FANCC: variants seen among roughly 807,000 people sequenced by gnomAD.
FANCC encodes the protein FA complementation group C.
FANCC carries 55 observed loss-of-function variants against 71.3 expected under a neutral mutation model. That is an observed-to-expected ratio of 0.77 (90% CI 0.62 to 0.97). The LOEUF is 0.97. Ranked by LOEUF, FANCC falls within the 50% of genes least tolerant of loss-of-function variation. The pLI, the probability that FANCC is intolerant of heterozygous loss-of-function variation, is 0.00. For synonymous variants in FANCC, 275 were observed against 244.9 expected (o/e 1.12, Z -1.15); for missense variants, 678 against 670.9 (o/e 1.01, Z -0.12).
At chr9:95,233,319 G>C (rs2136005937) in intron 4 of FANCC, among the ~76,000 whole-genome samples, 1 of 152,238 alleles carries the variant, frequency 6.6e-6, no homozygotes, top group Non-Finnish European at 1.5e-5. Flanking sequence ...AGTAGATGGA[G>C]CTGTGGAAGA....
At chr9:95,273,675 C>T (rs1248626216) in intron 1 of FANCC, among the ~76,000 whole-genome samples, 3 of 152,158 alleles carry the variant, frequency 2.0e-5, no homozygotes, top group East Asian at 1.9e-4. Context: ...CAATTCTATA[C>T]GAAATTTCAG....
At chr9:95,311,709 C>CTGTGTGTGTG (rs56187288) in intron 1 of FANCC, among the ~76,000 whole-genome samples, 5,342 of 144,538 alleles carry the variant, frequency 0.037, 124 homozygotes, top group Middle Eastern at 0.071. Flanking sequence ...TCCTCTGAAT[C>CTGTGTGTGTG]TGTGTGTGTG....
chr9:95,234,796 C>A (rs1830203793), intron 4 of FANCC, among the ~76,000 whole-genome samples: 2 of 152,168 alleles, frequency 1.3e-5, no homozygotes. Flanking sequence ...TAGTTTCAGT[C>A]AGAAGGCCAG....
At chr9:95,208,998 T>C (rs1355180648) in intron 4 of FANCC, among the ~76,000 whole-genome samples, 3 of 152,142 alleles carry the variant, frequency 2.0e-5, no homozygotes, top group Non-Finnish European at 2.9e-5. Context: ...ATTCCAAAAC[T>C]TGAAAGCAAC....
rs1284820280 is a variant in FANCC, at chr9:95,099,317, C to A, written c.*2390G>T. On this transcript the variant is annotated 3_prime_UTR_variant, in exon 15 of 15. Coordinates refer to ENST00000289081, the MANE Select transcript of FANCC (RefSeq NM_000136.3). ...TCAGATTCCAGACCCTGTCGCACCT[C>A]TGAAGACCTTGGTCCAGTTCCTTCC... The A allele has an allele frequency of 3.5e-5, 8 of 226,126 alleles. No individual in the cohort carries two copies. Among genetic ancestry groups the A allele is most frequent in the Admixed American group, 1.1e-4 (2 of 17,512 alleles). 14.0% of individuals were successfully genotyped at this position (226,126 alleles called of 1,614,324 possible). A position where few individuals can be genotyped will look rare whatever the true frequency, so the allele number is the denominator to read the frequency against.
chr9:95,111,178 C>T (rs1454610759), intron 13 of FANCC: 4 of 1,535,938 alleles, frequency 2.6e-6, no homozygotes, highest in South Asian at 2.4e-5. Context: ...GCAGATATGG[C>T]AGCTGAGCAA....
At chr9:95,147,464 C>T (rs1169837038) in intron 7 of FANCC, among the ~76,000 whole-genome samples, 2 of 152,072 alleles carry the variant, frequency 1.3e-5, no homozygotes, top group Non-Finnish European at 2.9e-5. Context: ...TGCGGTGAGC[C>T]GAGATTGCAC....
intron 4 of FANCC, among the ~76,000 whole-genome samples, chr9:95,228,666 C>T (rs750512039): frequency 3.3e-5 from 5 of 152,120 alleles, no homozygotes; most frequent in African/African-American, 7.2e-5. Flanking sequence ...CGCGTGCAAG[C>T]GAAGAGAGTG....
At chr9:95,176,544 A>G (rs546771227) in intron 4 of FANCC, among the ~76,000 whole-genome samples, 3 of 152,370 alleles carry the variant, frequency 2.0e-5, no homozygotes, top group Non-Finnish European at 4.4e-5. Flanking sequence ...AAGGAATTCT[A>G]GCAATTGTGA....
intron 4 of FANCC, among the ~76,000 whole-genome samples, chr9:95,218,366 G>A (rs1177612976): frequency 6.6e-6 from 1 of 152,174 alleles, no homozygotes; most frequent in Non-Finnish European, 1.5e-5. Flanking sequence ...ACAGTAGGCT[G>A]AGGTGGGAGG....
intron 4 of FANCC, among the ~76,000 whole-genome samples, chr9:95,216,384 T>A (rs1193477435): frequency 6.6e-6 from 1 of 152,204 alleles, no homozygotes; most frequent in Non-Finnish European, 1.5e-5. Flanking sequence ...TAATAACTCA[T>A]AATTGGAGGC....
chr9:95,301,529 G>C (rs1834732985), intron 1 of FANCC, among the ~76,000 whole-genome samples: 1 of 151,824 alleles, frequency 6.6e-6, no homozygotes, highest in Admixed American at 6.6e-5. Context: ...CCTCCTCCAA[G>C]CGATCCTCCC....
chr9:95,110,147 T>C, intron 13 of FANCC: 5 of 660,376 alleles, frequency 7.6e-6, no homozygotes, highest in Non-Finnish European at 7.5e-6. Flanking sequence ...GAGGGAGAAC[T>C]ACGCAAGGGT....
intron 1 of FANCC, among the ~76,000 whole-genome samples, chr9:95,303,685 CTCT>C (rs2136378170): frequency 6.6e-6 from 1 of 152,256 alleles, no homozygotes; most frequent in Admixed American, 6.5e-5. Context: ...CTCTCTCTAC[CTCT>C]TCTTCTAAGG....
At chr9:95,187,852 C>T (rs1276956658) in intron 4 of FANCC, among the ~76,000 whole-genome samples, 1 of 152,046 alleles carries the variant, frequency 6.6e-6, no homozygotes, top group Non-Finnish European at 1.5e-5. Flanking sequence ...CCTAGACCAC[C>T]GTGTGTGGTG....
At chr9:95,316,853 T>C (rs1289053918) in intron 1 of FANCC, 2 of 152,228 alleles carry the variant, frequency 1.3e-5, no homozygotes, top group African/African-American at 4.8e-5. Context: ...CTCACGGGCT[T>C]TGAAGATATG....
At chr9:95,146,108 T>C (rs184445797) in intron 7 of FANCC, among the ~76,000 whole-genome samples, 4 of 152,272 alleles carry the variant, frequency 2.6e-5, no homozygotes, top group African/African-American at 2.4e-5. Flanking sequence ...AATGGTATTG[T>C]AGTTTTGTTT....
intron 1 of FANCC, among the ~76,000 whole-genome samples, chr9:95,283,887 C>G (rs1459609822): frequency 1.3e-5 from 2 of 152,228 alleles, no homozygotes; most frequent in African/African-American, 4.8e-5. Context: ...AATCCCTACT[C>G]TATAACATAC....
At chr9:95,222,983 A>G (rs1373685663) in intron 4 of FANCC, among the ~76,000 whole-genome samples, 1 of 152,204 alleles carries the variant, frequency 6.6e-6, no homozygotes, top group Non-Finnish European at 1.5e-5. Flanking sequence ...CAATGCCTAG[A>G]TATTTGGATT....
Sources: allele counts gnomAD v4.1 joint callset (sites outside exome capture counted in the v4.1 genomes callset), GRCh38; gene constraint gnomAD v4.1.1; transcripts MANE v1.5; gene names NCBI Gene and HGNC (gene_info 2026-07-23, HGNC 2026-07-21).